The following PRPF31 variants were observed in gnomAD, a reference collection of about 807,000 sequenced individuals.
PRPF31 encodes the protein U4/U6 small nuclear ribonucleoprotein Prp31.
Under a neutral mutation model 60.4 loss-of-function variants are expected in PRPF31, and 12 were observed. The ratio of observed to expected loss-of-function variants is 0.20; its 90% CI spans 0.13 to 0.32. The LOEUF is 0.32. PRPF31 is among the 10% of genes least tolerant of loss of function. PRPF31 has a pLI of 1.00. For missense variants in PRPF31, 431 were observed against 687.1 expected (o/e 0.63, Z 4.17); for synonymous variants, 287 against 287.9 (o/e 1.00, Z 0.03).
chr19:54,127,055 G>A (rs1307559736), intron 9 of PRPF31, among the ~76,000 whole-genome samples: 30 of 152,274 alleles, frequency 2.0e-4, no homozygotes, highest in Middle Eastern at 3.4e-3. Flanking sequence ...GGGAGACGGA[G>A]GTTGCAGTGA....
intron 8 of PRPF31, among the ~76,000 whole-genome samples, chr19:54,125,569 G>A (rs1473712418): frequency 1.3e-5 from 2 of 151,800 alleles, no homozygotes; most frequent in Non-Finnish European, 2.9e-5. Flanking sequence ...CTGTCCAACT[G>A]TGGCGAGTTA....
chr19:54,122,109 C>T (rs1477934337), intron 4 of PRPF31, 166 bp downstream of exon 4: 83 of 773,462 alleles, frequency 1.1e-4, no homozygotes, highest in Admixed American at 1.6e-4. Flanking sequence ...CGTTCTCTCG[C>T]GTATGAGTCT....
At chr19:54,121,613 C>T (rs1568586181) in intron 3 of PRPF31, among the ~76,000 whole-genome samples, 1 of 152,060 alleles carries the variant, frequency 6.6e-6, no homozygotes, top group Non-Finnish European at 1.5e-5. Context: ...CTGTGGGGAG[C>T]CGTAGGAGGT....
intron 6 of PRPF31, 38 bp downstream of exon 6, chr19:54,123,598 G>A: frequency 1.9e-6 from 3 of 1,608,328 alleles, no homozygotes; most frequent in Non-Finnish European, 2.6e-6. Flanking sequence ...GCCCTAATGG[G>A]ATTGGGGATT....
chr19:54,129,609 C>G (rs1344740908), intron 13 of PRPF31, among the ~76,000 whole-genome samples: 1 of 140,652 alleles, frequency 7.1e-6, no homozygotes, highest in Admixed American at 7.8e-5. Flanking sequence ...AGGCCCACAG[C>G]TGTGTTCAGG....
chr19:54,127,542 G>A (rs1431832918), intron 9 of PRPF31, among the ~76,000 whole-genome samples: 1 of 152,140 alleles, frequency 6.6e-6, no homozygotes, highest in Non-Finnish European at 1.5e-5. Flanking sequence ...TAGAACATGG[G>A]CCTCTTTGGG....
Position 54,122,520 on chromosome 19 carries a change from G to A in PRPF31, c.346G>A (p.Asp116Asn). The change falls in exon 5 of 14, where the codon GAT (aspartate) becomes AAT (asparagine). Residue 116 changes from aspartate (D) to asparagine (N), a missense_variant. Asp to Asn is a conservative substitution (Grantham distance 23). Coordinates refer to ENST00000321030, the MANE Select transcript of PRPF31 (RefSeq NM_015629.4). ...AGACATCATCCATAAGTTCATCCGG[G>A]ATAAGTACTCAAAGAGATTCCCTGA... The part of the protein sequence containing the change: ...ELNIIHKFIR[D>N]KYSKRFPELE... 3.1e-6 allele frequency: 5 copies of A among 1,614,012 alleles called. No individual in the cohort carries two copies. Among genetic ancestry groups the A allele is most frequent in the Non-Finnish European group, 4.2e-6 (5 of 1,179,870 alleles).
chr19:54,116,056 C>T (rs1206270361), intron 1 of PRPF31, among the ~76,000 whole-genome samples: 1 of 151,326 alleles, frequency 6.6e-6, no homozygotes, highest in African/African-American at 2.4e-5. Context: ...GCGCCCGCCA[C>T]CACCCCTGAC....
Position 54,123,740 on chromosome 19 carries a change from C to T in PRPF31, c.528-9C>T, listed in dbSNP as rs781610212. Reference sequence around the variant, plus strand: ...AGACCCAGGAGGCTGGGCCCACCCGCCCCTGCAGGCAGCAGCTGTCGGAGG... The same window carrying T: ...AGACCCAGGAGGCTGGGCCCACCCGTCCCTGCAGGCAGCAGCTGTCGGAGG... On this transcript the variant is annotated splice_polypyrimidine_tract_variant and intron_variant, in intron 6 of 13. Coordinates refer to ENST00000321030, the MANE Select transcript of PRPF31 (RefSeq NM_015629.4). 48 of 1,606,572 alleles carry T rather than the reference C, an allele frequency of 3.0e-5. No homozygotes were observed. Among genetic ancestry groups the T allele is most frequent in the African/African-American group, 5.3e-5 (4 of 74,870 alleles).
intron 3 of PRPF31, chr19:54,118,880 C>T (rs1600326272): frequency 3.6e-6 from 2 of 550,126 alleles, no homozygotes; most frequent in Non-Finnish European, 6.4e-6. Flanking sequence ...TGAGGTTTCC[C>T]AGACTTCACT....
intron 13 of PRPF31, among the ~76,000 whole-genome samples, chr19:54,129,598 C>T (rs2074005804): frequency 7.0e-6 from 1 of 142,426 alleles, no homozygotes; most frequent in Non-Finnish European, 1.5e-5. Context: ...GCTTTAGAAC[C>T]AGGCCCACAG....
At chr19:54,128,037 C>A in intron 9 of PRPF31, 36 bp from the exon 10 acceptor site, 1 of 1,548,218 alleles carries the variant, frequency 6.5e-7, no homozygotes, top group Non-Finnish European at 8.7e-7. Flanking sequence ...GCAGCCCACG[C>A]GAGCAGCTGC....
rs150968066 is a variant in PRPF31 at position 54,118,410 on chromosome 19, C to T, written c.132C>T (p.Ser44=). ...DVQEETQLDL[S]GDSVKTIAKL... The stretch of plus-strand genomic sequence containing the variant: ...AGGAGGAGACACAGCTGGATCTTTC[C>T]GGGGATTCAGTCAAGACCATCGCCA... Residue 44 remains serine, a synonymous_variant, in exon 2 of 14, where the codon TCC becomes TCT. Transcript: ENST00000321030. 2.9e-5 allele frequency: 46 copies of T among 1,613,904 alleles called. No homozygotes were observed. The highest frequency in any genetic ancestry group is 1.6e-4 in the Middle Eastern group (1 of 6,070).
chr19:54,127,274 T>G (rs2073943915), intron 9 of PRPF31, among the ~76,000 whole-genome samples: 1 of 152,146 alleles, frequency 6.6e-6, no homozygotes, highest in Non-Finnish European at 1.5e-5. Context: ...TTTTCCAGCT[T>G]CTAGGGGTCA....
Position 54,121,882 on chromosome 19 carries a change from G to C in PRPF31, c.261G>C (p.Ala87=). The part of the protein sequence containing the change: ...ASEVMGPVEA[A]PEYRVIVDAN... ...CAGTGATGGGACCAGTGGAGGCCGC[G>C]CCTGAATACCGCGTCATCGTGGATG... is the stretch of plus-strand genomic sequence containing the variant. The change falls in exon 4 of 14, where the codon GCG becomes GCC. Residue 87 remains alanine, a synonymous_variant. Transcript: ENST00000321030. 1.2e-6 allele frequency: 2 copies of C among 1,612,302 alleles called. No homozygotes were observed. Among genetic ancestry groups the C allele is most frequent in the Non-Finnish European group, 1.7e-6 (2 of 1,179,348 alleles).
intron 13 of PRPF31, 94 bp downstream of exon 13, chr19:54,129,464 T>A: frequency 4.2e-6 from 6 of 1,413,906 alleles, no homozygotes; most frequent in Non-Finnish European, 5.8e-6. Flanking sequence ...ATGAGTCTCC[T>A]CATGGGGCTG....
At chr19:54,125,001 C>A in intron 8 of PRPF31, 1 of 449,728 alleles carries the variant, frequency 2.2e-6, no homozygotes, top group South Asian at 2.3e-5. Flanking sequence ...GGTTAGCGTG[C>A]AACTGCTCCG....
chr19:54,129,081 G>T lies in PRPF31; in HGVS notation c.1171G>T (p.Asp391Tyr). The T allele has an allele frequency of 6.3e-7, 1 of 1,578,218 alleles. No individual in the cohort carries two copies. Among genetic ancestry groups the T allele is most frequent in the African/African-American group, 1.3e-5 (1 of 74,756 alleles). Residue 391 changes from aspartate (D) to tyrosine (Y), a missense_variant, in exon 12 of 14, where the codon GAC (aspartate) becomes TAC (tyrosine). By Grantham distance (160) the Asp-to-Tyr change is radical. Transcript: ENST00000321030. ...GATCGAGGAGGACGCCTACCAGGAG[G>T]ACCTGGGATTCAGCCTGGGCCACCT... ...GEIEEDAYQE[D>Y]LGFSLGHLGK...
Position 54,128,078 on chromosome 19 carries a change from C to T in PRPF31, c.951C>T (p.Gly317=). The T allele has an allele frequency of 6.5e-7, 1 of 1,548,626 alleles. No homozygotes were observed. Among genetic ancestry groups the T allele is most frequent in the Non-Finnish European group, 8.7e-7 (1 of 1,146,836 alleles). ...CTCCCCCTCGCCCTCCCCAGGTGGG[C>T]TACGAACTGAAGGATGAGATCGAGC... is the stretch of plus-strand genomic sequence containing the variant. ...SFHESTEGKV[G]YELKDEIERK... The change falls in exon 10 of 14, where the codon GGC becomes GGT. Residue 317 remains glycine (G), a synonymous_variant. Coordinates refer to ENST00000321030, the MANE Select transcript of PRPF31 (RefSeq NM_015629.4).
Sources: allele counts gnomAD v4.1 joint callset (sites outside exome capture counted in the v4.1 genomes callset), GRCh38; gene constraint gnomAD v4.1.1; transcripts MANE v1.5; gene names NCBI Gene and HGNC (gene_info 2026-07-23, HGNC 2026-07-21).